ZSCAN4: variants seen among roughly 807,000 people sequenced by gnomAD.
The protein encoded by ZSCAN4 is zinc finger and SCAN domain containing 4, also known as zinc finger and SCAN domain-containing protein 4.
A neutral mutation model predicts 18.3 loss-of-function variants in ZSCAN4; 18 were observed. That is an observed-to-expected ratio of 0.98 (90% CI 0.68 to 1.46). ZSCAN4 has a LOEUF of 1.46. ZSCAN4 is among the 40% of genes most tolerant of loss of function. The pLI is 0.00. For synonymous variants in ZSCAN4, 193 were observed against 180.3 expected, an observed-to-expected ratio of 1.07 and a Z score of -0.57; for missense variants, 498 against 511.4, an observed-to-expected ratio of 0.97 and a Z score of 0.25.
the ZSCAN4 span, among the ~76,000 whole-genome samples, chr19:57,655,602 G>A: frequency 6.6e-6 from 1 of 152,020 alleles, no homozygotes; most frequent in African/African-American, 2.4e-5. Context: ...TAACCTACAG[G>A]AACTCATGAG....
At chr19:57,656,880 G>C in the ZSCAN4 span, among the ~76,000 whole-genome samples, 1 of 152,048 alleles carries the variant, frequency 6.6e-6, no homozygotes, top group Non-Finnish European at 1.5e-5. Context: ...CCAGCTACTT[G>C]GGAGGCTGAG....
chr19:57,669,911 A>T (rs1344260754), intron 1 of ZSCAN4, among the ~76,000 whole-genome samples: 2 of 151,658 alleles, frequency 1.3e-5, no homozygotes, highest in Non-Finnish European at 2.9e-5. Flanking sequence ...TTTGTTGCTC[A>T]GGCTAGGGAT....
chr19:57,663,520 TA>T, the ZSCAN4 span, among the ~76,000 whole-genome samples: 24,675 of 65,670 alleles, frequency 0.38, 4,233 homozygotes, highest in South Asian at 0.51. Context: ...ACCATGTCTC[TA>T]AAAAAAAAAA....
chr19:57,672,440 TTCTC>T (rs1299661141), intron 2 of ZSCAN4, among the ~76,000 whole-genome samples: 13 of 152,132 alleles, frequency 8.5e-5, no homozygotes, highest in Admixed American at 4.6e-4. Flanking sequence ...ATTCACTTCT[TTCTC>T]TTTTTCTTGT....
At chr19:57,678,490 C>G (rs557480976) in exon 5 of ZSCAN4, 1 of 1,614,134 alleles carries the variant, frequency 6.2e-7, no homozygotes, top group East Asian at 2.2e-5. Flanking sequence ...GAGGGAAATT[C>G]CACATGTGAG....
At chr19:57,668,716 C>T (rs1983924151), upstream of ZSCAN4, among the ~76,000 whole-genome samples, 1 of 152,220 alleles carries the variant, frequency 6.6e-6, no homozygotes, top group Non-Finnish European at 1.5e-5. Flanking sequence ...TTTAACTCCT[C>T]CATCTCTCTC....
At chr19:57,678,634 A>C in exon 5 of ZSCAN4, 4 of 1,614,056 alleles carry the variant, frequency 2.5e-6, no homozygotes, top group Non-Finnish European at 3.4e-6. Flanking sequence ...GTTTGTCCCG[A>C]GTGTCAAAAA....
chr19:57,668,102 T>C (rs976966669), upstream of ZSCAN4, among the ~76,000 whole-genome samples: 1 of 151,826 alleles, frequency 6.6e-6, no homozygotes, highest in Admixed American at 6.6e-5. Flanking sequence ...CGAGGTTTCA[T>C]CATGTTGGCC....
chr19:57,651,968 G>C, the ZSCAN4 span, among the ~76,000 whole-genome samples: 3 of 152,068 alleles, frequency 2.0e-5, no homozygotes, highest in Non-Finnish European at 4.4e-5. Context: ...AGTCACCACT[G>C]GGTAACCCTG....
the ZSCAN4 span, among the ~76,000 whole-genome samples, chr19:57,653,807 C>T: frequency 6.6e-6 from 1 of 152,204 alleles, no homozygotes; most frequent in Non-Finnish European, 1.5e-5. Context: ...GCCCTAATCC[C>T]AGGCTGCCCT....
At chr19:57,669,478 A>G (rs1014081197) in intron 1 of ZSCAN4, among the ~76,000 whole-genome samples, 2 of 152,074 alleles carry the variant, frequency 1.3e-5, no homozygotes, top group Non-Finnish European at 2.9e-5. Flanking sequence ...CCCAGGCTGC[A>G]GTGCAGTGGC....
the ZSCAN4 span, among the ~76,000 whole-genome samples, chr19:57,663,541 A>G: frequency 1.4e-3 from 202 of 147,952 alleles, 1 homozygote; most frequent in Non-Finnish European, 2.4e-3. Context: ...AAAAAAAAAA[A>G]AAAAAATTAG....
At chr19:57,673,546 C>T (rs908961264) in intron 2 of ZSCAN4, among the ~76,000 whole-genome samples, 1 of 152,038 alleles carries the variant, frequency 6.6e-6, no homozygotes, top group Non-Finnish European at 1.5e-5. Context: ...GCAGGAGGAT[C>T]GCTTGAACCC....
At chr19:57,676,379 C>T (rs755417318) in exon 3 of ZSCAN4, 2 of 1,614,042 alleles carry the variant, frequency 1.2e-6, no homozygotes, top group African/African-American at 1.3e-5. Flanking sequence ...CAGAAAAGCA[C>T]AGCAAGGATG....
chr19:57,664,418 A>G (rs1200081376), upstream of ZSCAN4: 1 of 152,186 alleles, frequency 6.6e-6, no homozygotes, highest in Admixed American at 6.5e-5. Flanking sequence ...AGCGCCGCCC[A>G]GGTCAGGGAA....
At chr19:57,674,963 T>G (rs1447048615) in intron 2 of ZSCAN4, among the ~76,000 whole-genome samples, 1 of 149,834 alleles carries the variant, frequency 6.7e-6, no homozygotes, top group Middle Eastern at 3.2e-3. Flanking sequence ...CAAGTTTTTT[T>G]TTTTTTTTTT....
At chr19:57,655,130 A>G in the ZSCAN4 span, among the ~76,000 whole-genome samples, 3 of 152,140 alleles carry the variant, frequency 2.0e-5, no homozygotes, top group South Asian at 2.1e-4. Context: ...TACCAACCCA[A>G]TGGAAGAAGC....
At chr19:57,665,673 A>C (rs928653260), upstream of ZSCAN4, among the ~76,000 whole-genome samples, 2 of 152,022 alleles carry the variant, frequency 1.3e-5, no homozygotes, top group African/African-American at 4.8e-5. Flanking sequence ...TAATCCCAAC[A>C]CTTTGGGAGG....
chr19:57,660,849 G>C, the ZSCAN4 span, among the ~76,000 whole-genome samples: 1 of 152,070 alleles, frequency 6.6e-6, no homozygotes, highest in African/African-American at 2.4e-5. Flanking sequence ...TGAGTGAAGG[G>C]CATTTTTACC....
Sources: allele counts gnomAD v4.1 joint callset (sites outside exome capture counted in the v4.1 genomes callset), GRCh38; gene constraint gnomAD v4.1.1; transcripts MANE v1.5; gene names NCBI Gene and HGNC (gene_info 2026-07-23, HGNC 2026-07-21).